The following CA1 variants were observed in gnomAD, a reference collection of about 807,000 sequenced individuals.
The protein encoded by CA1 is carbonic anhydrase 1, also known as carbonate dehydratase I.
A neutral mutation model predicts 28.8 loss-of-function variants in CA1; 27 were observed. The ratio of observed to expected loss-of-function variants is 0.94; its 90% CI spans 0.69 to 1.29. The LOEUF (loss-of-function observed/expected upper bound fraction) is 1.29. Among genes scored for constraint, CA1 ranks in the 50% most tolerant of loss-of-function variants. CA1 has a pLI of 0.00. For missense variants in CA1, 335 were observed against 310.5 expected (o/e 1.08, Z -0.59); for synonymous variants, 121 against 108.8 (o/e 1.11, Z -0.70).
intron 1 of CA1, among the ~76,000 whole-genome samples, chr8:85,354,835 C>T (rs1316084989): frequency 6.6e-6 from 1 of 152,268 alleles, no homozygotes; most frequent in African/African-American, 2.4e-5. Context: ...ATGTATGAAC[C>T]TGTCTTTTCT....
chr8:85,353,842 G>A (rs952749335), intron 1 of CA1, among the ~76,000 whole-genome samples: 3 of 152,186 alleles, frequency 2.0e-5, no homozygotes, highest in Non-Finnish European at 4.4e-5. Context: ...TACAGGAAAA[G>A]GGGTCTAGTA....
In CA1 at chr8:85,346,610, A is replaced by G. The variant is rs182129480; in HGVS notation, c.-24-4951T>C. The stretch of plus-strand genomic sequence containing the variant: ...AACCCCGTCTCTACTAAAATAGAAA[A>G]AATTAGCCAGGCGTGATGGTAGGCA... On this transcript the variant is annotated intron_variant, in intron 1 of 7. Transcript: ENST00000523022. Among the ~76,000 whole-genome samples the G allele has an allele frequency of 1.7e-4, 26 of 152,132 alleles. No individual in the cohort carries two copies. The East Asian group carries it at 5.0e-3, about 29-fold the overall frequency.
rs577850817 is a variant in CA1 at position 85,333,588 on chromosome 8, G to A, written c.387C>T (p.Tyr129=). The A allele has an allele frequency of 1.9e-6, 3 of 1,612,358 alleles. No individual in the cohort carries two copies. The highest frequency in any genetic ancestry group is 2.2e-5 in the South Asian group (2 of 91,048). Residue 129 remains tyrosine (Y), a synonymous_variant, in exon 5 of 8, where the codon TAC becomes TAT. Coordinates refer to ENST00000523022, the MANE Select transcript of CA1 (RefSeq NM_001128831.4). The stretch of plus-strand genomic sequence containing the variant: ...TTGAGGCAGCTTCAGCAAGGCTGGA[G>A]TACTTTGCAGAATTCCAGTGAGCTA... The part of the protein sequence containing the change: ...LHVAHWNSAK[Y]SSLAEAASKA...
In CA1 at chr8:85,368,158, A is replaced by G. The variant is rs552569244; in HGVS notation, c.-25+9888T>C. On this transcript the variant is annotated intron_variant, in intron 1 of 7. Transcript: ENST00000523022. ...ATTAAAAAATTAAATTAAATTTAAA[A>G]TAGTAATAATAATAATTATTATTAT... Among the ~76,000 whole-genome samples the G allele has an allele frequency of 3.4e-3, 508 of 151,612 alleles. 2 individuals carry two copies. The highest frequency in any genetic ancestry group is 6.0e-3 in the Non-Finnish European group (408 of 67,874).
At chr8:85,363,998 CTTTTTTATTTTA>C (rs1809909450) in intron 1 of CA1, among the ~76,000 whole-genome samples, 2 of 151,850 alleles carry the variant, frequency 1.3e-5, no homozygotes, top group Admixed American at 6.6e-5. Context: ...CCTTTCTTTT[CTTTTTTATTTTA>C]TTTTTTTTTA....
chr8:85,338,903 A>T lies in CA1; in HGVS notation c.38-454T>A, dbSNP rs564054347. Among the ~76,000 whole-genome samples, 253 of 151,600 alleles carry T rather than the reference A, an allele frequency of 1.7e-3. 1 individual carries two copies. The highest frequency in any genetic ancestry group is 6.0e-3 in the African/African-American group (248 of 41,322). On this transcript the variant is annotated intron_variant, in intron 2 of 7. Coordinates refer to ENST00000523022, the MANE Select transcript of CA1 (RefSeq NM_001128831.4). ...CAATTTTTTTGTATTTTTAGTAGAG[A>T]TGGGGTTTCATCATGTTGTCCAGGC...
intron 6 of CA1, among the ~76,000 whole-genome samples, chr8:85,331,742 G>T (rs1049310252): frequency 6.6e-6 from 1 of 151,976 alleles, no homozygotes; most frequent in African/African-American, 2.4e-5. Context: ...ACAGGCATGA[G>T]CCACCACACC....
chr8:85,342,365 T>C (rs992115759), intron 1 of CA1, among the ~76,000 whole-genome samples: 1 of 152,196 alleles, frequency 6.6e-6, no homozygotes, highest in Admixed American at 6.5e-5. Context: ...TAAACCAGTT[T>C]CTTATTATTT....
At chr8:85,350,330 G>T (rs1391594072) in intron 1 of CA1, among the ~76,000 whole-genome samples, 3 of 152,138 alleles carry the variant, frequency 2.0e-5, no homozygotes, top group Non-Finnish European at 4.4e-5. Context: ...AGAAAATTCT[G>T]GAGAGGCTGC....
chr8:85,374,621 C>A, intron 1 of CA1, among the ~76,000 whole-genome samples: 1 of 152,192 alleles, frequency 6.6e-6, no homozygotes, highest in East Asian at 1.9e-4. Flanking sequence ...AAACCAAATT[C>A]TCTGCCTGCA....
chr8:85,341,612 A>G lies in CA1; in HGVS notation c.24T>C (p.Tyr8=), dbSNP rs946368544. MASPDWG[Y]DDKNGPEQWS... ...GAGAACTCTTACCATTTTTGTCATCATATCCCCAGTCTGGACTTGCCATTA... is the reference window on the plus strand; with the variant it reads ...GAGAACTCTTACCATTTTTGTCATCGTATCCCCAGTCTGGACTTGCCATTA... The change falls in exon 2 of 8, where the codon TAT becomes TAC. Residue 8 remains tyrosine (Y), a synonymous_variant. Coordinates refer to ENST00000523022, the MANE Select transcript of CA1 (RefSeq NM_001128831.4). 1.3e-6 allele frequency: 2 copies of G among 1,596,558 alleles called. No individual in the cohort carries two copies. The highest frequency in any genetic ancestry group is 8.6e-7 in the Non-Finnish European group (1 of 1,164,382).
intron 1 of CA1, among the ~76,000 whole-genome samples, chr8:85,367,196 A>T (rs914684249): frequency 2.6e-5 from 4 of 152,144 alleles, no homozygotes; most frequent in African/African-American, 7.2e-5. Context: ...AAAAAAGTTT[A>T]TAAGAGGAAA....
rs536314209 is a variant in CA1 at position 85,348,722 on chromosome 8, C to T, written c.-24-7063G>A. Among the ~76,000 whole-genome samples the T allele has an allele frequency of 2.6e-5, 4 of 152,246 alleles. No individual in the cohort carries two copies. The South Asian group carries it at 8.3e-4, about 32-fold the overall frequency. On this transcript the variant is annotated intron_variant, in intron 1 of 7. Coordinates refer to ENST00000523022, the MANE Select transcript of CA1 (RefSeq NM_001128831.4). ...AGTAAAATTTTTTAAATCTGTCTAACCCAATTTCTTTGAGTAATGCTGTTT... is the reference window on the plus strand; with the variant it reads ...AGTAAAATTTTTTAAATCTGTCTAATCCAATTTCTTTGAGTAATGCTGTTT...
intron 1 of CA1, among the ~76,000 whole-genome samples, chr8:85,353,587 G>C (rs1009491564): frequency 6.6e-6 from 1 of 151,834 alleles, no homozygotes; most frequent in Non-Finnish European, 1.5e-5. Context: ...ACTATACAAA[G>C]AGTAATTTTT....
intron 1 of CA1, among the ~76,000 whole-genome samples, chr8:85,354,088 C>T (rs938622225): frequency 3.3e-5 from 5 of 151,590 alleles, no homozygotes; most frequent in Non-Finnish European, 7.4e-5. Context: ...CTCAGCCTCC[C>T]GAGTAGCTGG....
intron 1 of CA1, among the ~76,000 whole-genome samples, chr8:85,367,112 AT>A (rs1474852470): frequency 6.6e-6 from 1 of 151,940 alleles, no homozygotes; most frequent in Non-Finnish European, 1.5e-5. Context: ...AAAAATTAAA[AT>A]TTTTTAAAAA....
At chr8:85,344,016 T>G (rs1028188114) in intron 1 of CA1, among the ~76,000 whole-genome samples, 11 of 148,782 alleles carry the variant, frequency 7.4e-5, no homozygotes, top group African/African-American at 2.7e-4. Flanking sequence ...AGGATGATCT[T>G]TGGGTTACTT....
At chr8:85,332,600 G>A (rs576466557) in intron 5 of CA1, 48 bp from the exon 6 acceptor site, 19 of 1,364,588 alleles carry the variant, frequency 1.4e-5, no homozygotes, top group Admixed American at 3.4e-5. Context: ...ATTATCAATC[G>A]AACACTGCTT....
chr8:85,331,341 T>G (rs570587220), intron 6 of CA1, among the ~76,000 whole-genome samples: 1 of 152,128 alleles, frequency 6.6e-6, no homozygotes, highest in Non-Finnish European at 1.5e-5. Context: ...TTTTTTCTCT[T>G]TATCCAGCTT....
Sources: allele counts gnomAD v4.1 joint callset (sites outside exome capture counted in the v4.1 genomes callset), GRCh38; gene constraint gnomAD v4.1.1; transcripts MANE v1.5; gene names NCBI Gene and HGNC (gene_info 2026-07-23, HGNC 2026-07-21).